Variants in SYDE2 observed in about 807,000 individuals in gnomAD.
SYDE2 encodes synapse defective Rho GTPase homolog 2, also known as rho GTPase-activating protein SYDE2.
A neutral mutation model predicts 91.5 loss-of-function variants in SYDE2; 76 were observed. That is an observed-to-expected ratio of 0.83 (90% CI 0.69 to 1.01). SYDE2 has a LOEUF of 1.01. Ranked by LOEUF, SYDE2 falls within the 50% of genes least tolerant of loss-of-function variation. SYDE2 has a pLI of 0.00. For missense variants in SYDE2, 1,364 were observed against 1,367.7 expected (o/e 1.00, Z 0.04); for synonymous variants, 513 against 506.4 (o/e 1.01, Z -0.18).
In SYDE2 at chr1:85,169,132, A is replaced by G; in HGVS notation, c.2765T>C (p.Leu922Ser). The G allele has an allele frequency of 6.2e-7, 1 of 1,613,934 alleles. No individual in the cohort carries two copies. Among genetic ancestry groups the G allele is most frequent in the Non-Finnish European group, 8.5e-7 (1 of 1,179,814 alleles). ...CTCACAACCATTTGATGACATTTTCAAAGGACTTTTTGCCATTGCATCTAA... is the reference window on the plus strand; with the variant it reads ...CTCACAACCATTTGATGACATTTTCGAAGGACTTTTTGCCATTGCATCTAA... ...AVLDAMAKSP[L>S]KMSSNGCEND... is the part of the protein sequence containing the mutation. Residue 922 changes from leucine to serine, a missense_variant, in exon 5 of 7, where the codon TTG becomes TCG. Physicochemically the swap from Leu to Ser is moderately radical, Grantham distance 145. Transcript: ENST00000341460.
chr1:85,199,445 A>G (rs1658724310), intron 1 of SYDE2, among the ~76,000 whole-genome samples: 1 of 152,206 alleles, frequency 6.6e-6, no homozygotes, highest in Admixed American at 6.5e-5. Flanking sequence ...CAAAATAGGG[A>G]GCTTAATCCT....
chr1:85,169,185 C>G lies in SYDE2; in HGVS notation c.2712G>C (p.Leu904=), dbSNP rs538579418. 6.2e-7 allele frequency: 1 copy of G among 1,613,734 alleles called. No homozygotes were observed. Among genetic ancestry groups the G allele is most frequent in the African/African-American group, 1.3e-5 (1 of 75,010 alleles). The change falls in exon 5 of 7, where the codon CTG becomes CTC. Residue 904 remains leucine, a synonymous_variant. Transcript: ENST00000341460. ...CAGCCTCATAAAGCTGCTTTGTTAT[C>G]AGAGGAGAAGGGAGTTCTCTTAAAT... The part of the protein sequence containing the change: ...KDYLRELPSP[L]ITKQLYEAVL...
chr1:85,190,530 T>C lies in SYDE2; in HGVS notation c.968A>G (p.Lys323Arg), dbSNP rs780073353. The C allele has an allele frequency of 5.0e-6, 8 of 1,613,902 alleles. No homozygotes were observed. In the African/African-American group the frequency reaches 9.3e-5, roughly 19 times the overall value. The part of the protein sequence containing the change: ...HLSISPVSLP[K>R]HQLSQSFLKS... The stretch of plus-strand genomic sequence containing the variant: ...GAGGAAAGACTGTGATAGCTGATGT[T>C]TAGGTAGAGACACAGGTGAGATGGA... The change falls in exon 2 of 7, where the codon AAA becomes AGA. Residue 323 changes from lysine (K) to arginine (R), a missense_variant. Lys to Arg is a conservative substitution (Grantham distance 26). Coordinates refer to ENST00000341460, the MANE Select transcript of SYDE2 (RefSeq NM_032184.2).
chr1:85,200,841 G>T lies in SYDE2; in HGVS notation c.156C>A (p.Gly52=). Residue 52 remains glycine (G), a synonymous_variant, in exon 1 of 7, where the codon GGC becomes GGA. Coordinates refer to ENST00000341460, the MANE Select transcript of SYDE2 (RefSeq NM_032184.2). ...ACPRDGERGG[G]GRPRQQVSPP... The stretch of plus-strand genomic sequence containing the variant: ...GGGACACCTGCTGCCGAGGGCGTCC[G>T]CCGCCTCCCCGCTCCCCGTCCCGGG... 7.2e-7 allele frequency: 1 copy of T among 1,389,482 alleles called. No homozygotes were observed. The highest frequency in any genetic ancestry group is 9.3e-7 in the Non-Finnish European group (1 of 1,080,146). 86.1% of individuals were successfully genotyped at this position (1,389,482 alleles called of 1,614,324 possible).
intron 6 of SYDE2, among the ~76,000 whole-genome samples, chr1:85,161,480 C>T (rs906307977): frequency 2.0e-5 from 3 of 152,042 alleles, no homozygotes; most frequent in Non-Finnish European, 2.9e-5. Flanking sequence ...AATCCCAGCA[C>T]TTTGGGAGGC....
At chr1:85,186,562 T>C (rs1167009792) in intron 2 of SYDE2, among the ~76,000 whole-genome samples, 2 of 152,024 alleles carry the variant, frequency 1.3e-5, no homozygotes, top group Non-Finnish European at 2.9e-5. Flanking sequence ...GCCAAGTTAA[T>C]CCTAAGCCAA....
chr1:85,169,183 AT>A lies in SYDE2; in HGVS notation c.2713del (p.Ile905Ter). ...TACAGCCTCATAAAGCTGCTTTGTT[AT>A]CAGAGGAGAAGGGAGTTCTCTTAAA... is the stretch of plus-strand genomic sequence containing the variant. ...DYLRELPSPL[I>X]TKQLYEAVLD... is the part of the protein sequence containing the mutation. On this transcript the variant is annotated frameshift_variant, in exon 5 of 7. Transcript: ENST00000341460. LOFTEE classifies it high-confidence loss of function. 1 of 1,613,866 alleles carries A rather than the reference AT, an allele frequency of 6.2e-7. No homozygotes were observed. The highest frequency in any genetic ancestry group is 8.5e-7 in the Non-Finnish European group (1 of 1,179,802).
At chr1:85,169,880 C>T (rs916400539) in intron 4 of SYDE2, among the ~76,000 whole-genome samples, 3 of 152,002 alleles carry the variant, frequency 2.0e-5, no homozygotes, top group African/African-American at 4.8e-5. Flanking sequence ...ACATTCCACA[C>T]GTAGTTTTGA....
intron 4 of SYDE2, 82 bp from the exon 5 acceptor site, chr1:85,169,307 G>T: frequency 9.6e-7 from 1 of 1,038,238 alleles, no homozygotes; most frequent in Non-Finnish European, 1.4e-6. Flanking sequence ...TAAAATTTAA[G>T]TATTATAGCC....
At chr1:85,169,247 C>G in intron 4 of SYDE2, 22 bp from the exon 5 acceptor site, 1 of 1,592,136 alleles carries the variant, frequency 6.3e-7, no homozygotes, top group Non-Finnish European at 8.6e-7. Context: ...AAACCGCAGA[C>G]AGTTGGTGAT....
Position 85,190,197 on chromosome 1 carries a change from G to T in SYDE2, c.1301C>A (p.Thr434Asn), listed in dbSNP as rs1453393777. 2 of 1,613,788 alleles carry T rather than the reference G, an allele frequency of 1.2e-6. No individual in the cohort carries two copies. Among genetic ancestry groups the T allele is most frequent in the African/African-American group, 2.7e-5 (2 of 74,898 alleles). The change falls in exon 2 of 7, where the codon ACC (threonine) becomes AAC (asparagine). Residue 434 changes from threonine to asparagine, a missense_variant. Coordinates refer to ENST00000341460, the MANE Select transcript of SYDE2 (RefSeq NM_032184.2). The stretch of plus-strand genomic sequence containing the variant: ...AGGATTCATTCCATTTGACCGTGTG[G>T]TCTGAATATCACCTGCATGTTCGGA... ...CSSEHAGDIQ[T>N]TRSNGMNPIH...
rs771359042 is a variant in SYDE2, at chr1:85,190,744, C to CA, written c.753dup (p.Glu252Ter). On this transcript the variant is annotated frameshift_variant, in exon 2 of 7. Transcript: ENST00000341460. LOFTEE classifies it high-confidence loss of function. ...TTCATTGAAGACCCATAGGCATTTT[C>CA]AAATAAATCTGTTGCAAAGATAGAA... 2 of 1,591,552 alleles carry CA rather than the reference C, an allele frequency of 1.3e-6. No individual in the cohort carries two copies. Among genetic ancestry groups the CA allele is most frequent in the Non-Finnish European group, 1.7e-6 (2 of 1,170,274 alleles).
chr1:85,194,214 A>AT (rs1219615060), intron 1 of SYDE2, among the ~76,000 whole-genome samples: 4 of 151,604 alleles, frequency 2.6e-5, no homozygotes, highest in Admixed American at 2.6e-4. Context: ...ATGTAAATTC[A>AT]TAGATATGGA....
rs917866526 is a variant in SYDE2, at chr1:85,159,962, A to T, written c.3086-713T>A. On this transcript the variant is annotated intron_variant, in intron 6 of 6. Coordinates refer to ENST00000341460, the MANE Select transcript of SYDE2 (RefSeq NM_032184.2). Reference sequence around the variant, plus strand: ...CACATTAAGACTAGTTTATTCTGAGAGTATGCATTGTGCTAGCCATATAGA... The same window carrying T: ...CACATTAAGACTAGTTTATTCTGAGTGTATGCATTGTGCTAGCCATATAGA... The T allele has an allele frequency of 5.1e-6, 5 of 984,716 alleles. No homozygotes were observed. In the African/African-American group the frequency reaches 8.7e-5, roughly 17 times the overall value. The allele number at this position is 984,716 out of a possible 1,614,324, so 61.0% of individuals were successfully genotyped here. A position where few individuals can be genotyped will look rare whatever the true frequency, so the allele number is the denominator to read the frequency against.
At position 85,158,406 on chromosome 1, in the gene SYDE2, T is replaced by C. The variant is rs1454712363; in HGVS notation, c.*344A>G. 1 of 187,700 alleles carries C rather than the reference T, an allele frequency of 5.3e-6. No homozygotes were observed. The highest frequency in any genetic ancestry group is 1.1e-5 in the Non-Finnish European group (1 of 93,452). 11.6% of individuals were successfully genotyped at this position (187,700 alleles called of 1,614,324 possible). ...AACAACAAAAAAAAGGACATCTGTC[T>C]CAGCTACAGAAGAGTGGTTCCCATA... On this transcript the variant is annotated 3_prime_UTR_variant, in exon 7 of 7. Transcript: ENST00000341460.
At chr1:85,174,253 T>C (rs1465728967) in intron 4 of SYDE2, among the ~76,000 whole-genome samples, 2 of 152,194 alleles carry the variant, frequency 1.3e-5, no homozygotes, top group African/African-American at 4.8e-5. Flanking sequence ...AAAACAAAGA[T>C]GTAGAAGACA....
chr1:85,159,296 A>G (rs1557738886), intron 6 of SYDE2, 47 bp from the exon 7 acceptor site: 2 of 745,114 alleles, frequency 2.7e-6, no homozygotes, highest in Non-Finnish European at 4.9e-6. Flanking sequence ...ATCCAACTGA[A>G]CTTAAAAAAA....
chr1:85,153,236 T>C (rs1165289519), downstream of SYDE2: 1 of 152,138 alleles, frequency 6.6e-6, no homozygotes, highest in Non-Finnish European at 1.5e-5. Flanking sequence ...CTTCCATGAA[T>C]AGACTGGATC....
chr1:85,174,569 T>G (rs1031218700), intron 4 of SYDE2, among the ~76,000 whole-genome samples: 2 of 152,230 alleles, frequency 1.3e-5, no homozygotes, highest in African/African-American at 4.8e-5. Flanking sequence ...TAGGTAGATT[T>G]GAATGTTGAA....
Sources: allele counts gnomAD v4.1 joint callset (sites outside exome capture counted in the v4.1 genomes callset), GRCh38; gene constraint gnomAD v4.1.1; transcripts MANE v1.5; gene names NCBI Gene and HGNC (gene_info 2026-07-23, HGNC 2026-07-21).